ERI1: variants seen among roughly 807,000 people sequenced by gnomAD.
ERI1 encodes the protein 3'-5' exoribonuclease 1.
Under a neutral mutation model 39.7 loss-of-function variants are expected in ERI1, and 39 were observed. The observed-to-expected ratio is 0.98, with a 90% CI of 0.76 to 1.28. The LOEUF (loss-of-function observed/expected upper bound fraction) is 1.28, where lower values mean the gene tolerates loss of function less well. Among genes scored for constraint, ERI1 ranks in the 50% most tolerant of loss-of-function variants. The pLI is 0.00. For missense variants in ERI1, 581 were observed against 416.9 expected (o/e 1.39, Z -3.43); for synonymous variants, 204 against 149.6 (o/e 1.36, Z -2.65).
intron 1 of ERI1, chr8:9,004,116 C>G (rs1344741038): frequency 8.5e-6 from 11 of 1,289,202 alleles, no homozygotes; most frequent in African/African-American, 4.6e-5. Context: ...GAAAGAAGGT[C>G]TCGTTAAGGA....
chr8:9,027,147 GTA>G (rs56972289), intron 6 of ERI1, among the ~76,000 whole-genome samples: 5,675 of 123,374 alleles, frequency 0.046, 350 homozygotes, highest in African/African-American at 0.17. Context: ...GTGTGTGTGT[GTA>G]TGTGTGTGTG....
intron 5 of ERI1, 86 bp downstream of exon 5, chr8:9,018,492 A>G: frequency 2.6e-6 from 2 of 772,280 alleles, no homozygotes. Context: ...GAATAACCAC[A>G]AACTATTATT....
chr8:9,024,798 A>G (rs190661536), intron 6 of ERI1, among the ~76,000 whole-genome samples: 18 of 152,156 alleles, frequency 1.2e-4, no homozygotes, highest in Non-Finnish European at 2.1e-4. Flanking sequence ...GATGAAATAC[A>G]CCTCTTGACT....
intron 1 of ERI1, 88 bp downstream of exon 1, chr8:9,003,259 C>A: frequency 1.3e-6 from 1 of 781,210 alleles, no homozygotes; most frequent in Admixed American, 4.3e-5. Context: ...AGGTGTCCCG[C>A]AGAAGGTGCA....
chr8:9,006,110 T>C (rs903428726), intron 1 of ERI1, among the ~76,000 whole-genome samples: 1 of 152,264 alleles, frequency 6.6e-6, no homozygotes, highest in African/African-American at 2.4e-5. Flanking sequence ...TAATTTTGTC[T>C]TTCTGCAGAT....
Position 9,095,106 on chromosome 8 carries a change from C to T in ERI1, n.300-21242C>T, listed in dbSNP as rs116509695. ...AGATGAGGATTGTATAACCTGCTTT[C>T]TTAGGACTGGTGTGAAGACTAAATG... On this transcript the variant is annotated intron_variant and non_coding_transcript_variant, in intron 3 of 3. Transcript: ENST00000518663. 1.9e-3 allele frequency among the ~76,000 whole-genome samples: 296 copies of T among 152,298 alleles called. 1 individual carries two copies. Among genetic ancestry groups the T allele is most frequent in the African/African-American group, 6.7e-3 (277 of 41,556 alleles).
intron 4 of ERI1, among the ~76,000 whole-genome samples, chr8:9,017,480 T>A (rs1283931681): frequency 6.6e-6 from 1 of 152,232 alleles, no homozygotes; most frequent in African/African-American, 2.4e-5. Flanking sequence ...TATATCTTTA[T>A]GTGTATATAG....
At chr8:9,092,535 A>T (rs1799741017) in intron 3 of ERI1, among the ~76,000 whole-genome samples, 1 of 152,214 alleles carries the variant, frequency 6.6e-6, no homozygotes, top group Non-Finnish European at 1.5e-5. Flanking sequence ...GATAGGGAAC[A>T]TCACTGAAGA....
At position 9,013,012 on chromosome 8, in the gene ERI1, C is replaced by G. The variant is rs542082884; in HGVS notation, c.498+1260C>G. Among the ~76,000 whole-genome samples the G allele has an allele frequency of 2.8e-5, 4 of 142,290 alleles. No homozygotes were observed. In the East Asian group the frequency reaches 5.8e-4, roughly 21 times the overall value. 93.3% of individuals were successfully genotyped at this position (142,290 alleles called of 152,430 possible). On this transcript the variant is annotated intron_variant, in intron 3 of 6. Coordinates refer to ENST00000250263, the MANE Select transcript of ERI1 (RefSeq NM_153332.4). ...TTACCCTAACTCCTGGCAAAATTGA[C>G]CATTCTCACTTTTTTTTTTCTTTTT...
At chr8:9,004,322 G>A (rs2117164136) in intron 1 of ERI1, 3 of 1,095,498 alleles carry the variant, frequency 2.7e-6, no homozygotes, top group Non-Finnish European at 3.4e-6. Context: ...AATAAATTTC[G>A]AAGTTTATTT....
chr8:9,078,472 G>A (rs1330318063), intron 3 of ERI1, among the ~76,000 whole-genome samples: 2 of 152,132 alleles, frequency 1.3e-5, no homozygotes, highest in Non-Finnish European at 2.9e-5. Context: ...ACTTGGTAAG[G>A]TTGGAATTCA....
intron 3 of ERI1, among the ~76,000 whole-genome samples, chr8:9,067,963 CAA>C (rs1386131376): frequency 6.6e-6 from 1 of 151,986 alleles, no homozygotes; most frequent in Non-Finnish European, 1.5e-5. Flanking sequence ...TATACACACA[CAA>C]ATATTATATA....
chr8:9,077,225 A>G (rs960294845), intron 3 of ERI1, among the ~76,000 whole-genome samples: 1 of 152,214 alleles, frequency 6.6e-6, no homozygotes, highest in Non-Finnish European at 1.5e-5. Context: ...TAAATGTGAC[A>G]TGCATTTCCC....
intron 3 of ERI1, among the ~76,000 whole-genome samples, chr8:9,047,059 GT>G (rs1299533338): frequency 6.6e-6 from 1 of 152,210 alleles, no homozygotes; most frequent in African/African-American, 2.4e-5. Flanking sequence ...AAGCACGGCT[GT>G]TCCCAACAGG....
intron 3 of ERI1, among the ~76,000 whole-genome samples, chr8:9,086,088 A>G (rs1283201362): frequency 2.0e-5 from 3 of 152,166 alleles, no homozygotes; most frequent in Non-Finnish European, 4.4e-5. Flanking sequence ...TTGTTTGTCT[A>G]GACTGCGGCA....
intron 3 of ERI1, among the ~76,000 whole-genome samples, chr8:9,039,576 T>G (rs1040266893): frequency 6.6e-6 from 1 of 152,176 alleles, no homozygotes; most frequent in African/African-American, 2.4e-5. Flanking sequence ...CAAAAACAAG[T>G]TATTTAGGAA....
chr8:9,053,077 C>T (rs755902873), intron 3 of ERI1, among the ~76,000 whole-genome samples: 4 of 152,098 alleles, frequency 2.6e-5, no homozygotes, highest in Admixed American at 6.5e-5. Context: ...AGTGCAATGG[C>T]GCAATCTCAG....
intron 6 of ERI1, among the ~76,000 whole-genome samples, chr8:9,025,702 T>TTTG (rs1554519271): frequency 6.3e-4 from 93 of 147,864 alleles, no homozygotes; most frequent in African/African-American, 2.1e-3. Flanking sequence ...TCTTTTTTTT[T>TTTG]TGTGTGTGTG....
intron 6 of ERI1, among the ~76,000 whole-genome samples, chr8:9,024,574 C>G (rs1478320165): frequency 2.0e-5 from 3 of 152,042 alleles, no homozygotes; most frequent in Admixed American, 6.6e-5. Context: ...GTGCCTCCCA[C>G]CATGCCTGGA....
Sources: allele counts gnomAD v4.1 joint callset (sites outside exome capture counted in the v4.1 genomes callset), GRCh38; gene constraint gnomAD v4.1.1; transcripts MANE v1.5; gene names NCBI Gene and HGNC (gene_info 2026-07-23, HGNC 2026-07-21).